SEMA3C: variants seen among roughly 807,000 people sequenced by gnomAD.
SEMA3C encodes semaphorin 3C.
A neutral mutation model predicts 89.4 loss-of-function variants in SEMA3C; 47 were observed. The observed-to-expected ratio is 0.53, with a 90% CI of 0.42 to 0.67. The LOEUF is 0.67. Among genes scored for constraint, SEMA3C ranks in the 30% least tolerant of loss-of-function variants. The probability of loss-of-function intolerance (pLI) is 0.00; values close to 1 mark genes in which losing one functional copy is unlikely to be tolerated. For missense variants in SEMA3C, 839 were observed against 929.1 expected (o/e 0.90, Z 1.26); for synonymous variants, 310 against 320.2 (o/e 0.97, Z 0.34).
chr7:80,823,844 C>G (rs1193085244), intron 4 of SEMA3C, among the ~76,000 whole-genome samples: 1 of 151,928 alleles, frequency 6.6e-6, no homozygotes, highest in Non-Finnish European at 1.5e-5. Flanking sequence ...TGTTTAAGCT[C>G]AATTTATTTA....
chr7:80,839,815 G>A (rs777957999), intron 2 of SEMA3C, among the ~76,000 whole-genome samples: 3 of 151,394 alleles, frequency 2.0e-5, no homozygotes, highest in African/African-American at 7.3e-5. Context: ...TCTAATAGAC[G>A]CCATTCCCCA....
At chr7:80,783,055 T>C (rs1486543910) in intron 12 of SEMA3C, among the ~76,000 whole-genome samples, 2 of 152,136 alleles carry the variant, frequency 1.3e-5, no homozygotes, top group African/African-American at 4.8e-5. Context: ...TATGTCTATA[T>C]CTTTATACAA....
chr7:80,912,767 A>C (rs2116245237), intron 2 of SEMA3C, among the ~76,000 whole-genome samples: 1 of 152,318 alleles, frequency 6.6e-6, no homozygotes, highest in African/African-American at 2.4e-5. Flanking sequence ...GCATCTTCCA[A>C]GATTAACGGA....
chr7:80,887,241 C>G (rs1791504879), intron 2 of SEMA3C, among the ~76,000 whole-genome samples: 1 of 152,112 alleles, frequency 6.6e-6, no homozygotes. Flanking sequence ...AATATCTAAA[C>G]AGATTATGCT....
chr7:80,847,604 C>T (rs12707036), intron 2 of SEMA3C, among the ~76,000 whole-genome samples: 36 of 151,924 alleles, frequency 2.4e-4, no homozygotes, highest in Non-Finnish European at 4.1e-4. Context: ...CCTTTCCAAA[C>T]GTAACAAACT....
At chr7:80,776,910 C>T (rs1047974097) in intron 12 of SEMA3C, among the ~76,000 whole-genome samples, 8 of 151,912 alleles carry the variant, frequency 5.3e-5, no homozygotes, top group South Asian at 2.1e-4. Context: ...GTATTGGACA[C>T]GTGACAAACA....
chr7:80,761,943 G>T lies in SEMA3C; in HGVS notation c.1444-286C>A, dbSNP rs1358301493. ...AGCTCTACTAAAAATACAAAAATTA[G>T]CCGGGCATGGTGGTGGGCACCTGTA... On this transcript the variant is annotated intron_variant, in intron 13 of 17. Transcript: ENST00000265361. Among the ~76,000 whole-genome samples the T allele has an allele frequency of 3.3e-5, 5 of 151,838 alleles. No homozygotes were observed. In the East Asian group the frequency reaches 7.8e-4, roughly 24 times the overall value.
intron 2 of SEMA3C, among the ~76,000 whole-genome samples, chr7:80,843,948 TAAG>T (rs1039107930): frequency 6.6e-6 from 1 of 152,122 alleles, no homozygotes; most frequent in Non-Finnish European, 1.5e-5. Context: ...ATAAAGTGTC[TAAG>T]AAGAGTTTAC....
At chr7:80,838,930 T>C (rs1790200918) in intron 2 of SEMA3C, among the ~76,000 whole-genome samples, 1 of 152,182 alleles carries the variant, frequency 6.6e-6, no homozygotes, top group Non-Finnish European at 1.5e-5. Flanking sequence ...CCTTATCACC[T>C]ACAAAAAACA....
At chr7:80,869,585 G>A (rs552443784) in intron 2 of SEMA3C, among the ~76,000 whole-genome samples, 2 of 152,284 alleles carry the variant, frequency 1.3e-5, no homozygotes, top group African/African-American at 4.8e-5. Flanking sequence ...TATTCTCCAT[G>A]CCAGGCACTG....
intron 12 of SEMA3C, among the ~76,000 whole-genome samples, chr7:80,772,688 G>A (rs368027262): frequency 6.6e-6 from 1 of 151,538 alleles, no homozygotes; most frequent in Non-Finnish European, 1.5e-5. Context: ...GGTTAAACTA[G>A]GTTAAACATG....
At chr7:80,768,470 C>G (rs1158744780) in intron 12 of SEMA3C, among the ~76,000 whole-genome samples, 1 of 150,790 alleles carries the variant, frequency 6.6e-6, no homozygotes, top group Non-Finnish European at 1.5e-5. Flanking sequence ...GCCAAGATCG[C>G]GCCACTGCAC....
At position 80,758,378 on chromosome 7, in the gene SEMA3C, G is replaced by A. The variant is rs145332331; in HGVS notation, c.1596C>T (p.Cys532=). 97 of 1,613,816 alleles carry A rather than the reference G, an allele frequency of 6.0e-5. No individual in the cohort carries two copies. Among genetic ancestry groups the A allele is most frequent in the Non-Finnish European group, 7.0e-5 (83 of 1,179,974 alleles). Residue 532 remains cysteine (C), a synonymous_variant, in exon 15 of 18, where the codon TGC becomes TGT. Transcript: ENST00000265361. Reference sequence around the variant, plus strand: ...TGGAACAGGAATGGCCATCCCAGGCGCAATAAGGGTCCCGCGCCAGGCAGC... The same window carrying A: ...TGGAACAGGAATGGCCATCCCAGGCACAATAAGGGTCCCGCGCCAGGCAGC... ...ADCCLARDPY[C]AWDGHSCSRF... is the part of the protein sequence containing the mutation.
In SEMA3C at chr7:80,744,086, C is replaced by T. The variant is rs1402101131; in HGVS notation, c.*808G>A. ...CCACACAGACTAGGGAATAAGAGAACAAACAGTAATAACTGAGTAGTGCCA... is the reference window on the plus strand; with the variant it reads ...CCACACAGACTAGGGAATAAGAGAATAAACAGTAATAACTGAGTAGTGCCA... On this transcript the variant is annotated 3_prime_UTR_variant, in exon 18 of 18. Coordinates refer to ENST00000265361, the MANE Select transcript of SEMA3C (RefSeq NM_006379.5). 2 of 151,674 alleles carry T rather than the reference C, an allele frequency of 1.3e-5. No individual in the cohort carries two copies. Among genetic ancestry groups the T allele is most frequent in the African/African-American group, 4.8e-5 (2 of 41,322 alleles). The allele number at this position is 151,674 out of a possible 1,614,324, so 9.4% of individuals were successfully genotyped here.
rs538350135 is a variant in SEMA3C, at chr7:80,802,595, G to C, written c.916+70C>G. On this transcript the variant is annotated intron_variant, in intron 9 of 17. Coordinates refer to ENST00000265361, the MANE Select transcript of SEMA3C (RefSeq NM_006379.5). ...ATATGGAAAGTACATCTTCTTTTGA[G>C]ACCTTATTTAAATATATAAACTTTA... 5.1e-5 allele frequency: 47 copies of C among 921,638 alleles called. No homozygotes were observed. The East Asian group carries it at 1.1e-3, about 21-fold the overall frequency. 57.1% of individuals were successfully genotyped at this position (921,638 alleles called of 1,614,324 possible).
chr7:80,756,368 A>G (rs1282915391), intron 15 of SEMA3C, among the ~76,000 whole-genome samples: 5 of 151,518 alleles, frequency 3.3e-5, no homozygotes, highest in Admixed American at 2.6e-4. Flanking sequence ...TCTACAAGCC[A>G]CCATTATATC....
chr7:80,856,557 A>G (rs1287577255), intron 2 of SEMA3C, among the ~76,000 whole-genome samples: 1 of 150,074 alleles, frequency 6.7e-6, no homozygotes, highest in Non-Finnish European at 1.5e-5. Flanking sequence ...AAAAAAAAAA[A>G]CTAGGTTGGA....
upstream of SEMA3C, among the ~76,000 whole-genome samples, chr7:80,921,098 C>A (rs1359916599): frequency 6.6e-6 from 1 of 152,116 alleles, no homozygotes; most frequent in South Asian, 2.1e-4. Context: ...TACAAAGGAG[C>A]TTAATTCCAA....
At chr7:80,746,413 G>A (rs1256227882) in intron 17 of SEMA3C, among the ~76,000 whole-genome samples, 1 of 142,942 alleles carries the variant, frequency 7.0e-6, no homozygotes, top group Non-Finnish European at 1.6e-5. Flanking sequence ...AACAAATTGT[G>A]TATAAACACA....
Sources: allele counts gnomAD v4.1 joint callset (sites outside exome capture counted in the v4.1 genomes callset), GRCh38; gene constraint gnomAD v4.1.1; transcripts MANE v1.5; gene names NCBI Gene and HGNC (gene_info 2026-07-23, HGNC 2026-07-21).